ASPH: variants seen among roughly 807,000 people sequenced by gnomAD.
The protein encoded by ASPH is aspartate beta-hydroxylase.
Under a neutral mutation model 118.4 loss-of-function variants are expected in ASPH, and 100 were observed. That is an observed-to-expected ratio of 0.84 (90% confidence interval 0.72 to 1.00). The LOEUF (loss-of-function observed/expected upper bound fraction) is 1.00. ASPH is among the 50% of genes least tolerant of loss of function. ASPH has a pLI of 0.00. For synonymous variants in ASPH, 315 were observed against 325.6 expected, an observed-to-expected ratio of 0.97 and a Z score of 0.35; for missense variants, 920 against 919.5, an observed-to-expected ratio of 1.00 and a Z score of -0.01.
chr8:61,542,413 G>A (rs990033997), intron 21 of ASPH, among the ~76,000 whole-genome samples: 1 of 151,504 alleles, frequency 6.6e-6, no homozygotes, highest in African/African-American at 2.4e-5. Context: ...GGTTGCCCTG[G>A]GCACTAGAAT....
intron 5 of ASPH, among the ~76,000 whole-genome samples, chr8:61,649,253 A>C (rs1809661152): frequency 6.6e-6 from 1 of 152,158 alleles, no homozygotes; most frequent in Admixed American, 6.5e-5. Context: ...AGGGGAGAAG[A>C]AAAATCAAAG....
chr8:61,644,663 C>A (rs368947899), intron 6 of ASPH, 31 bp from the exon 7 acceptor site: 137 of 1,552,270 alleles, frequency 8.8e-5, no homozygotes, highest in Middle Eastern at 3.4e-4. Context: ...TTGATATTTA[C>A]TGCTTTTACA....
chr8:61,646,621 T>G, intron 6 of ASPH, 129 bp downstream of exon 6: 2 of 1,146,550 alleles, frequency 1.7e-6, no homozygotes, highest in Non-Finnish European at 2.3e-6. Context: ...TAATTGAAGC[T>G]TTAAGCTTCA....
Position 61,692,007 on chromosome 8 carries a change from G to A in ASPH, c.104-7819C>T, listed in dbSNP as rs74552376. Among the ~76,000 whole-genome samples, 780 of 152,274 alleles carry A rather than the reference G, an allele frequency of 5.1e-3. 10 individuals are homozygous for A. The highest frequency in any genetic ancestry group is 0.018 in the African/African-American group (740 of 41,550). ...TAAACGTCAAACTGTAGGAATCACA[G>A]CTATTAAAATGTGATTATACCTTAC... On this transcript the variant is annotated intron_variant, in intron 1 of 24. Coordinates refer to ENST00000379454, the MANE Select transcript of ASPH (RefSeq NM_004318.4).
intron 3 of ASPH, among the ~76,000 whole-genome samples, chr8:61,655,841 T>C (rs1466401364): frequency 6.6e-6 from 1 of 152,318 alleles, no homozygotes; most frequent in South Asian, 2.1e-4. Context: ...TTTCCAGATA[T>C]GAAATCAGTA....
chr8:61,602,202 T>C (rs1844188463), intron 14 of ASPH, among the ~76,000 whole-genome samples: 1 of 151,282 alleles, frequency 6.6e-6, no homozygotes, highest in Non-Finnish European at 1.5e-5. Context: ...TGTAAAAAAC[T>C]TCTTATCAAA....
At position 61,514,947 on chromosome 8, in the gene ASPH, G is replaced by A. The variant is rs575143476; in HGVS notation, c.2126+2581C>T. Among the ~76,000 whole-genome samples, 12 of 151,552 alleles carry A rather than the reference G, an allele frequency of 7.9e-5. No homozygotes were observed. The East Asian group carries it at 2.4e-3, about 30-fold the overall frequency. ...AGAGAAGGAGGAAGGCAGGAAGGCA[G>A]GGAGGCAGGAGGCGGGTGGACAGGG... On this transcript the variant is annotated intron_variant, in intron 24 of 24. Transcript: ENST00000379454.
chr8:61,640,216 G>A (rs1286911815), intron 10 of ASPH, among the ~76,000 whole-genome samples: 3 of 152,180 alleles, frequency 2.0e-5, no homozygotes, highest in Admixed American at 2.0e-4. Context: ...AGAGAGAGAT[G>A]TGATGCACGG....
At position 61,704,194 on chromosome 8, in the gene ASPH, C is replaced by CAAAAAAAAAAAA. The variant is rs61553495; in HGVS notation, c.103+10063_103+10074dup. Among the ~76,000 whole-genome samples, 3 of 40,446 alleles carry CAAAAAAAAAAAA rather than the reference C, an allele frequency of 7.4e-5. 1 individual carries two copies. Among genetic ancestry groups the CAAAAAAAAAAAA allele is most frequent in the African/African-American group, 2.4e-4 (2 of 8,474 alleles). 26.5% of individuals were successfully genotyped at this position (40,446 alleles called of 152,430 possible). On this transcript the variant is annotated intron_variant, in intron 1 of 24. Transcript: ENST00000379454. ...TGGGCGACAGAGCGAGACTCCGTCT[C>CAAAAAAAAAAAA]AAAAAAAAAAAAAAAAAAAAAAAAA...
In ASPH at chr8:61,683,510, A is replaced by C. The variant is rs1263115415; in HGVS notation, c.253+529T>G. On this transcript the variant is annotated intron_variant, in intron 2 of 24. Coordinates refer to ENST00000379454, the MANE Select transcript of ASPH (RefSeq NM_004318.4). The stretch of plus-strand genomic sequence containing the variant: ...AACAGCACACAGATCACACCTACAC[A>C]CACACAATAATATCTACAAACGCCT... 4 of 152,488 alleles carry C rather than the reference A, an allele frequency of 2.6e-5. No individual in the cohort carries two copies. In the East Asian group the frequency reaches 7.7e-4, roughly 29 times the overall value. 9.4% of individuals were successfully genotyped at this position (152,488 alleles called of 1,614,324 possible). A position where few individuals can be genotyped will look rare whatever the true frequency, so the allele number is the denominator to read the frequency against.
chr8:61,606,423 T>C (rs1845587012), intron 14 of ASPH: 1 of 152,206 alleles, frequency 6.6e-6, no homozygotes, highest in Non-Finnish European at 1.5e-5. Context: ...TTGGCTTTTA[T>C]ATAAAGGGTA....
At chr8:61,704,765 C>T (rs1291390484) in intron 1 of ASPH, among the ~76,000 whole-genome samples, 1 of 152,064 alleles carries the variant, frequency 6.6e-6, no homozygotes, top group Non-Finnish European at 1.5e-5. Flanking sequence ...ATGTAAACTA[C>T]AGTAAGAAGC....
intron 13 of ASPH, chr8:61,626,367 A>G: frequency 1.5e-6 from 2 of 1,333,256 alleles, no homozygotes; most frequent in Non-Finnish European, 1.9e-6. Context: ...TTTTTAAAAA[A>G]CCCACCAACA....
chr8:61,531,943 T>C (rs1222023031), intron 21 of ASPH, among the ~76,000 whole-genome samples: 2 of 152,224 alleles, frequency 1.3e-5, no homozygotes, highest in African/African-American at 4.8e-5. Context: ...TGCCTGTTGA[T>C]AGACATTCAG....
chr8:61,539,699 GGTGTGTGTGTGTGT>G (rs10522481), intron 21 of ASPH, among the ~76,000 whole-genome samples: 4 of 124,214 alleles, frequency 3.2e-5, no homozygotes, highest in African/African-American at 8.3e-5. Context: ...ACACTTCTGG[GGTGTGTGTGTGTGT>G]GTGTGTGTGT....
chr8:61,557,151 C>G (rs1216127665), intron 18 of ASPH, among the ~76,000 whole-genome samples: 5 of 152,178 alleles, frequency 3.3e-5, no homozygotes, highest in African/African-American at 1.2e-4. Context: ...CACTGCAGAT[C>G]CTCTGCACAC....
intron 22 of ASPH, among the ~76,000 whole-genome samples, chr8:61,524,689 T>C (rs1044337963): frequency 1.3e-5 from 2 of 152,230 alleles, no homozygotes; most frequent in Admixed American, 1.3e-4. Context: ...CCATAATTTA[T>C]TTTCTTTCTT....
chr8:61,678,668 C>T (rs1826477745), intron 3 of ASPH, among the ~76,000 whole-genome samples: 1 of 152,022 alleles, frequency 6.6e-6, no homozygotes, highest in South Asian at 2.1e-4. Context: ...GAAATAAATG[C>T]AAAATCCTAT....
At chr8:61,593,849 C>T (rs994736037) in intron 14 of ASPH, among the ~76,000 whole-genome samples, 2 of 152,166 alleles carry the variant, frequency 1.3e-5, no homozygotes, top group African/African-American at 2.4e-5. Flanking sequence ...TTTATCCCCA[C>T]GCACACGTTC....
Sources: gnomAD v4.1 joint callset for allele counts (sites outside exome capture counted in the v4.1 genomes callset) on GRCh38, gnomAD v4.1.1 for gene constraint, MANE v1.5 for transcripts, NCBI Gene and HGNC (gene_info 2026-07-23, HGNC 2026-07-21) for gene names.